Variants in CSMD2 observed in about 807,000 individuals in gnomAD.
The protein encoded by CSMD2 is CUB and Sushi multiple domains 2, also known as CUB and sushi domain-containing protein 2.
In CSMD2, 130 loss-of-function variants were observed where a neutral mutation model predicts 398.5. The observed-to-expected ratio is 0.33, with a 90% confidence interval of 0.28 to 0.38. The LOEUF is 0.38. Ranked by LOEUF, CSMD2 falls within the 10% of genes least tolerant of loss-of-function variation. The pLI is 1.00. For synonymous variants in CSMD2, 1,828 were observed against 1,908.5 expected (o/e 0.96, Z 1.10); for missense variants, 3,829 against 4,764.9 (o/e 0.80, Z 5.78).
intron 2 of CSMD2, among the ~76,000 whole-genome samples, chr1:34,051,123 T>C (rs779529277): frequency 1.3e-5 from 2 of 152,220 alleles, no homozygotes; most frequent in Non-Finnish European, 2.9e-5. Context: ...AGGAAGATTA[T>C]GTCTGGAATA....
chr1:33,540,920 C>T (rs1275632325), intron 59 of CSMD2, among the ~76,000 whole-genome samples: 1 of 152,174 alleles, frequency 6.6e-6, no homozygotes. Flanking sequence ...GGGACCCTCC[C>T]CTCAATGTTC....
At chr1:33,628,532 G>T (rs1642265218) in intron 32 of CSMD2, among the ~76,000 whole-genome samples, 1 of 152,058 alleles carries the variant, frequency 6.6e-6, no homozygotes, top group African/African-American at 2.4e-5. Flanking sequence ...AGCCGGGTAT[G>T]GTGGAGCACA....
At chr1:34,155,460 C>T (rs1046089365) in intron 1 of CSMD2, among the ~76,000 whole-genome samples, 5 of 152,124 alleles carry the variant, frequency 3.3e-5, no homozygotes, top group Admixed American at 1.3e-4. Flanking sequence ...GTCAACTCTC[C>T]GAGACTGAAC....
chr1:33,999,403 T>A (rs1018308180), intron 3 of CSMD2, among the ~76,000 whole-genome samples: 1 of 152,270 alleles, frequency 6.6e-6, no homozygotes, highest in Admixed American at 6.5e-5. Flanking sequence ...TATTTTGCTA[T>A]TTTTTTGAGA....
intron 32 of CSMD2, among the ~76,000 whole-genome samples, chr1:33,627,492 C>T (rs1642200989): frequency 6.6e-6 from 1 of 152,164 alleles, no homozygotes. Context: ...AGACCCCATT[C>T]TCAGGACGAA....
At chr1:33,525,074 G>A in intron 65 of CSMD2, 31 bp from the exon 66 acceptor site, 1 of 1,610,404 alleles carries the variant, frequency 6.2e-7, no homozygotes, top group East Asian at 2.2e-5. Flanking sequence ...ATGTGAGAGG[G>A]ACTTTGTGTG....
intron 42 of CSMD2, among the ~76,000 whole-genome samples, chr1:33,604,686 A>T (rs769293929): frequency 2.6e-5 from 4 of 152,226 alleles, no homozygotes; most frequent in Non-Finnish European, 4.4e-5. Flanking sequence ...TGAAGTGTGC[A>T]GATGAGGGTG....
chr1:34,060,516 C>G (rs1450397119), intron 2 of CSMD2, among the ~76,000 whole-genome samples: 2 of 152,146 alleles, frequency 1.3e-5, no homozygotes, highest in Non-Finnish European at 2.9e-5. Flanking sequence ...CTGGGGGGAG[C>G]TCTGAGGCTG....
At chr1:33,621,171 T>C (rs527701225) in intron 37 of CSMD2, among the ~76,000 whole-genome samples, 1 of 152,328 alleles carries the variant, frequency 6.6e-6, no homozygotes, top group Non-Finnish European at 1.5e-5. Flanking sequence ...TTCTTAGGTT[T>C]CACTAAAATG....
In CSMD2 at chr1:33,880,176, C is replaced by A. The variant is rs149608789; in HGVS notation, c.921-33180G>T. On this transcript the variant is annotated intron_variant, in intron 5 of 70. Coordinates refer to ENST00000373381, the MANE Select transcript of CSMD2 (RefSeq NM_001281956.2). ...TGTATAATGCCTATTATATACCAGG[C>A]ACCCCAAAAATGTATGCTGAATGAG... Among the ~76,000 whole-genome samples the A allele has an allele frequency of 2.5e-4, 38 of 152,278 alleles. No individual in the cohort carries two copies. In the East Asian group the frequency reaches 7.3e-3, roughly 29 times the overall value.
chr1:33,520,008 GCT>G, intron 68 of CSMD2, 58 bp from the exon 69 acceptor site: 1 of 1,597,230 alleles, frequency 6.3e-7, no homozygotes, highest in Non-Finnish European at 8.6e-7. Context: ...GGCTCCGTTG[GCT>G]ACCCTCCCCG....
At chr1:33,695,705 A>C (rs1645399936) in intron 24 of CSMD2, among the ~76,000 whole-genome samples, 1 of 152,228 alleles carries the variant, frequency 6.6e-6, no homozygotes, top group South Asian at 2.1e-4. Flanking sequence ...CAAACAAGTC[A>C]CTGCTTGCAT....
intron 3 of CSMD2, among the ~76,000 whole-genome samples, chr1:33,956,249 A>G (rs1350996489): frequency 6.6e-6 from 1 of 151,472 alleles, no homozygotes; most frequent in African/African-American, 2.4e-5. Flanking sequence ...TGTAACCATC[A>G]CCACTATCCA....
intron 22 of CSMD2, among the ~76,000 whole-genome samples, chr1:33,701,012 G>A (rs1645595847): frequency 6.6e-6 from 1 of 152,316 alleles, no homozygotes; most frequent in South Asian, 2.1e-4. Context: ...GGGGAGGCCA[G>A]GTTTGGGTTG....
Position 33,891,986 on chromosome 1 carries a change from G to A in CSMD2, c.920+26108C>T, listed in dbSNP as rs568199012. On this transcript the variant is annotated intron_variant, in intron 5 of 70. Transcript: ENST00000373381. ...AATGGGTGCAGCACACTAGCATGGC[G>A]CATGTATACATATGTAACTAACCTG... Among the ~76,000 whole-genome samples, 624 of 150,090 alleles carry A rather than the reference G, an allele frequency of 4.2e-3. 12 individuals carry two copies. Among genetic ancestry groups the A allele is most frequent in the East Asian group, 0.02 (103 of 5,042 alleles).
intron 3 of CSMD2, among the ~76,000 whole-genome samples, chr1:33,996,805 G>A (rs1271047042): frequency 6.6e-6 from 1 of 152,026 alleles, no homozygotes; most frequent in African/African-American, 2.4e-5. Context: ...AGGAAGGGGA[G>A]GGAGGGAGAG....
chr1:33,731,441 G>A lies in CSMD2; in HGVS notation c.2369-4756C>T, dbSNP rs188499940. 8.6e-5 allele frequency among the ~76,000 whole-genome samples: 13 copies of A among 152,028 alleles called. No homozygotes were observed. The East Asian group carries it at 2.5e-3, about 29-fold the overall frequency. ...AAGACATTGCCTACAAGATATTCTC[G>A]CTAAAAAAATGGAAGTTCAATCTGA... On this transcript the variant is annotated intron_variant, in intron 15 of 70. Coordinates refer to ENST00000373381, the MANE Select transcript of CSMD2 (RefSeq NM_001281956.2).
chr1:33,950,154 GCCT>G (rs1290620479), intron 3 of CSMD2, among the ~76,000 whole-genome samples: 1 of 152,114 alleles, frequency 6.6e-6, no homozygotes, highest in Admixed American at 6.5e-5. Context: ...CTTGGAGATA[GCCT>G]CCTCATTGTT....
intron 3 of CSMD2, among the ~76,000 whole-genome samples, chr1:33,943,404 T>G (rs1324354029): frequency 6.6e-6 from 1 of 152,212 alleles, no homozygotes; most frequent in Non-Finnish European, 1.5e-5. Context: ...CCCTCCTTGA[T>G]ACCCTAAGTG....
Sources: gnomAD v4.1 joint callset for allele counts (sites outside exome capture counted in the v4.1 genomes callset) on GRCh38, gnomAD v4.1.1 for gene constraint, MANE v1.5 for transcripts, NCBI Gene and HGNC (gene_info 2026-07-23, HGNC 2026-07-21) for gene names.